RBFOX1: variants seen among roughly 807,000 people sequenced by gnomAD.
RBFOX1 encodes the protein RNA binding protein fox-1 homolog 1.
In RBFOX1, 8 loss-of-function variants were observed where a neutral mutation model predicts 57.7. The observed-to-expected ratio is 0.14, with a 90% CI of 0.08 to 0.25. The LOEUF is 0.25. Ranked by LOEUF, RBFOX1 falls within the 10% of genes least tolerant of loss-of-function variation. The pLI is 1.00. For missense variants in RBFOX1, 611 were observed against 548.5 expected, an observed-to-expected ratio of 1.11 and a Z score of -1.14; for synonymous variants, 326 against 222.4, an observed-to-expected ratio of 1.47 and a Z score of -4.15.
intron 3 of RBFOX1, among the ~76,000 whole-genome samples, chr16:6,966,867 C>G (rs2084337150): frequency 6.6e-6 from 1 of 150,762 alleles, no homozygotes; most frequent in Admixed American, 6.6e-5. Flanking sequence ...ACACATCCAT[C>G]TATCCATGTA....
intron 4 of RBFOX1, among the ~76,000 whole-genome samples, chr16:7,503,606 G>T (rs1018197657): frequency 6.6e-6 from 1 of 152,192 alleles, no homozygotes; most frequent in African/African-American, 2.4e-5. Flanking sequence ...GGTGGTAGTA[G>T]CAAGAACTTT....
chr16:7,526,791 C>T (rs2078805022), intron 5 of RBFOX1, among the ~76,000 whole-genome samples: 2 of 152,320 alleles, frequency 1.3e-5, no homozygotes, highest in African/African-American at 2.4e-5. Flanking sequence ...GAAGTGTTAT[C>T]GTCCCATGTT....
chr16:6,890,382 G>T (rs1252850422), intron 3 of RBFOX1, among the ~76,000 whole-genome samples: 1 of 152,168 alleles, frequency 6.6e-6, no homozygotes, highest in Non-Finnish European at 1.5e-5. Context: ...AGCTGGGCGT[G>T]GTGGTGGGCA....
chr16:6,230,814 A>G (rs2097453576), intron 1 of RBFOX1, among the ~76,000 whole-genome samples: 1 of 152,244 alleles, frequency 6.6e-6, no homozygotes, highest in African/African-American at 2.4e-5. Context: ...TAGTACAAAG[A>G]GATGGAATAG....
At chr16:6,184,227 G>A (rs373669816) in intron 1 of RBFOX1, among the ~76,000 whole-genome samples, 47 of 152,270 alleles carry the variant, frequency 3.1e-4, no homozygotes, top group African/African-American at 1.1e-3. Flanking sequence ...GGGAACTACA[G>A]TTCAAGATGA....
chr16:7,397,630 T>G (rs939003074), intron 4 of RBFOX1, among the ~76,000 whole-genome samples: 20 of 152,082 alleles, frequency 1.3e-4, no homozygotes, highest in African/African-American at 4.8e-4. Flanking sequence ...ATCACAAGCG[T>G]TGGGACTCTG....
intron 4 of RBFOX1, among the ~76,000 whole-genome samples, chr16:7,159,304 T>A (rs1376285692): frequency 6.6e-6 from 1 of 152,150 alleles, no homozygotes; most frequent in South Asian, 2.1e-4. Flanking sequence ...CCATTGTCAC[T>A]GCGTCATGCC....
chr16:6,483,119 C>A lies in RBFOX1; in HGVS notation c.-64+166062C>A. 6 of 1,036,656 alleles carry A rather than the reference C, an allele frequency of 5.8e-6. No individual in the cohort carries two copies. In the South Asian group the frequency reaches 2.2e-4, roughly 39 times the overall value. 64.2% of individuals were successfully genotyped at this position (1,036,656 alleles called of 1,614,324 possible). On this transcript the variant is annotated intron_variant, in intron 2 of 15. Coordinates refer to ENST00000550418, the MANE Select transcript of RBFOX1 (RefSeq NM_018723.4). ...GGCGGGACCCACGCAGCCCCAGTAT[C>A]CACTGCCTTCCCCCAGCTGCAAGAG...
At chr16:7,338,653 G>A (rs1359869578) in intron 4 of RBFOX1, among the ~76,000 whole-genome samples, 1 of 152,204 alleles carries the variant, frequency 6.6e-6, no homozygotes, top group Non-Finnish European at 1.5e-5. Context: ...TTTTGAAGCA[G>A]AAACCAGCGT....
rs558184828 is a variant in RBFOX1, at chr16:7,314,785, G to A, written c.28-203362G>A. Among the ~76,000 whole-genome samples, 12 of 152,298 alleles carry A rather than the reference G, an allele frequency of 7.9e-5. No individual in the cohort carries two copies. The Middle Eastern group carries it at 0.01, about 130-fold the overall frequency. On this transcript the variant is annotated intron_variant, in intron 4 of 15. Transcript: ENST00000550418. ...GTAAGCCGAATCACCATTTGTTCACGATAAGTCAACAGGAGCTTGATGTGA... is the reference window on the plus strand; with the variant it reads ...GTAAGCCGAATCACCATTTGTTCACAATAAGTCAACAGGAGCTTGATGTGA...
At chr16:7,137,869 G>A (rs537723365) in intron 4 of RBFOX1, among the ~76,000 whole-genome samples, 16 of 152,260 alleles carry the variant, frequency 1.1e-4, no homozygotes, top group Admixed American at 2.6e-4. Flanking sequence ...TTTTTATTGA[G>A]CATCTGTGAT....
At chr16:6,658,191 A>C (rs888039041) in intron 3 of RBFOX1, among the ~76,000 whole-genome samples, 1 of 151,760 alleles carries the variant, frequency 6.6e-6, no homozygotes, top group African/African-American at 2.4e-5. Context: ...CTTAGACCAC[A>C]TATCATGATA....
At chr16:7,361,985 ATG>A (rs1374616997) in intron 4 of RBFOX1, among the ~76,000 whole-genome samples, 1 of 148,702 alleles carries the variant, frequency 6.7e-6, no homozygotes, top group African/African-American at 2.5e-5. Flanking sequence ...CAGTGTGTGT[ATG>A]TGTGTTAGTG....
At chr16:7,434,416 G>A (rs1165881099) in intron 4 of RBFOX1, among the ~76,000 whole-genome samples, 1 of 151,988 alleles carries the variant, frequency 6.6e-6, no homozygotes, top group Non-Finnish European at 1.5e-5. Context: ...AGCTTGCAGT[G>A]AGCCGAGATA....
At chr16:7,139,803 T>C (rs150471058) in intron 4 of RBFOX1, among the ~76,000 whole-genome samples, 1 of 152,190 alleles carries the variant, frequency 6.6e-6, no homozygotes, top group African/African-American at 2.4e-5. Flanking sequence ...GGGGCAGTTT[T>C]AGTTGCTGTG....
intron 2 of RBFOX1, among the ~76,000 whole-genome samples, chr16:5,559,165 C>CAAAAAA (rs35531242): frequency 7.3e-4 from 48 of 65,362 alleles, no homozygotes; most frequent in Admixed American, 1.0e-3. Context: ...CCCCCCCAGG[C>CAAAAAA]AAAAAAAAAA....
Position 7,441,293 on chromosome 16 carries a change from G to C in RBFOX1, c.28-76854G>C, listed in dbSNP as rs113565650. 3.3e-3 allele frequency among the ~76,000 whole-genome samples: 507 copies of C among 152,282 alleles called. 1 individual carries two copies. Among genetic ancestry groups the C allele is most frequent in the African/African-American group, 0.012 (494 of 41,562 alleles). ...CAGCATCAAAGGCCTTGGCAGTGGT[G>C]GAGCTGTTAGCATATTAGTTCCATT... On this transcript the variant is annotated intron_variant, in intron 4 of 15. Transcript: ENST00000550418.
chr16:5,617,491 T>C (rs1223217227), intron 3 of RBFOX1, among the ~76,000 whole-genome samples: 8 of 152,218 alleles, frequency 5.3e-5, no homozygotes, highest in Non-Finnish European at 2.9e-5. Context: ...ATCAGGCTTG[T>C]TCCCCTCCTT....
chr16:6,715,785 C>A (rs1380005834), intron 3 of RBFOX1, among the ~76,000 whole-genome samples: 1 of 152,174 alleles, frequency 6.6e-6, no homozygotes, highest in Non-Finnish European at 1.5e-5. Flanking sequence ...ATTTTAAACC[C>A]TTTCAGCTAC....
Sources: gnomAD v4.1 joint callset for allele counts (sites outside exome capture counted in the v4.1 genomes callset) on GRCh38, gnomAD v4.1.1 for gene constraint, MANE v1.5 for transcripts, NCBI Gene and HGNC (gene_info 2026-07-23, HGNC 2026-07-21) for gene names.